The following DNAH17 variants were observed in gnomAD, a reference collection of about 807,000 sequenced individuals.
The protein encoded by DNAH17 is dynein axonemal heavy chain 17, also known as axonemal beta dynein heavy chain 17.
A neutral mutation model predicts 485.6 loss-of-function variants in DNAH17; 376 were observed. That is an observed-to-expected ratio of 0.77 (90% CI 0.71 to 0.84). The LOEUF is 0.84. Ranked by LOEUF, DNAH17 falls within the 40% of genes least tolerant of loss-of-function variation. DNAH17 has a pLI of 0.00. For synonymous variants in DNAH17, 3,031 were observed against 2,405.9 expected (o/e 1.26, Z -7.60); for missense variants, 6,370 against 5,839.3 (o/e 1.09, Z -2.96).
At chr17:78,433,907 A>C in intron 75 of DNAH17, 122 bp downstream of exon 75, 1 of 579,806 alleles carries the variant, frequency 1.7e-6, no homozygotes, top group Non-Finnish European at 2.4e-6. Context: ...ACAAAGACCA[A>C]AAGGAAAGGG....
intron 2 of DNAH17, 74 bp from the exon 3 acceptor site, chr17:78,572,968 C>CG: frequency 1.4e-6 from 2 of 1,398,672 alleles, no homozygotes; most frequent in South Asian, 1.3e-5. Flanking sequence ...GCCAGGTCCC[C>CG]GGGGGGTTCC....
chr17:78,491,371 G>A, intron 43 of DNAH17, 72 bp downstream of exon 43: 1 of 1,558,188 alleles, frequency 6.4e-7, no homozygotes. Flanking sequence ...GTGCTCCGTA[G>A]GCGCCTCCCT....
chr17:78,543,861 A>C lies in DNAH17; in HGVS notation c.2528T>G (p.Val843Gly). 1.9e-6 allele frequency: 3 copies of C among 1,614,056 alleles called. No individual in the cohort carries two copies. The South Asian group carries it at 3.3e-5, about 18-fold the overall frequency. The change falls in exon 17 of 81, where the codon GTT (valine) becomes GGT (glycine). Residue 843 changes from valine (V) to glycine (G), a missense_variant. Transcript: ENST00000389840. ...ACCTCCTGGGTGTTTCCTTACTGCA[A>C]CCATGGCTTGGATCTTCACTCCAGC... Reference protein sequence around the residue: ...RDAGVKIQAMVAENAELFRAD... With the variant: ...RDAGVKIQAMGAENAELFRAD...
chr17:78,475,902 A>C, intron 52 of DNAH17, 69 bp from the exon 53 acceptor site: 2 of 1,540,762 alleles, frequency 1.3e-6, no homozygotes, highest in South Asian at 2.5e-5. Flanking sequence ...AGTTAACAGC[A>C]ATTCAGTACT....
chr17:78,469,683 T>C (rs1009385381), intron 54 of DNAH17, among the ~76,000 whole-genome samples: 1 of 152,168 alleles, frequency 6.6e-6, no homozygotes, highest in Non-Finnish European at 1.5e-5. Context: ...TGTCCATCCA[T>C]GCATGAACAG....
intron 71 of DNAH17, among the ~76,000 whole-genome samples, chr17:78,442,813 G>T (rs1472602316): frequency 6.6e-6 from 1 of 152,208 alleles, no homozygotes; most frequent in Non-Finnish European, 1.5e-5. Flanking sequence ...CGTGGGGGTG[G>T]CCTGGCCTGC....
intron 48 of DNAH17, 117 bp downstream of exon 48, chr17:78,484,751 G>GCCCCCACCC: frequency 4.4e-5 from 6 of 135,800 alleles, no homozygotes; most frequent in Admixed American, 2.1e-4. Flanking sequence ...CCCCCCCACC[G>GCCCCCACCC]CCCCACACCA....
chr17:78,535,312 T>C (rs1167073600), intron 19 of DNAH17, among the ~76,000 whole-genome samples: 1 of 152,220 alleles, frequency 6.6e-6, no homozygotes, highest in Non-Finnish European at 1.5e-5. Context: ...AACAGCTTGC[T>C]GCTTGCACTT....
chr17:78,543,039 G>A (rs112846937), intron 17 of DNAH17, among the ~76,000 whole-genome samples: 2,954 of 152,340 alleles, frequency 0.019, 108 homozygotes, highest in African/African-American at 0.066. Flanking sequence ...CATCATAAGA[G>A]GAACCAGGCT....
At chr17:78,538,637 G>C (rs2091441597) in intron 18 of DNAH17, among the ~76,000 whole-genome samples, 1 of 152,192 alleles carries the variant, frequency 6.6e-6, no homozygotes, top group Non-Finnish European at 1.5e-5. Context: ...CACAAAGTAG[G>C]AGGACTCCCT....
chr17:78,507,428 A>G (rs1298337681), intron 28 of DNAH17, 30 bp downstream of exon 28: 1 of 1,613,652 alleles, frequency 6.2e-7, no homozygotes, highest in South Asian at 1.1e-5. Context: ...TCATTTCTGA[A>G]GTGCGTGGGA....
rs149521578 is a variant in DNAH17 at position 78,535,109 on chromosome 17, T to C, written c.2859+2190A>G. Among the ~76,000 whole-genome samples, 417 of 152,256 alleles carry C rather than the reference T, an allele frequency of 2.7e-3. 1 individual carries two copies. The highest frequency in any genetic ancestry group is 9.8e-3 in the African/African-American group (408 of 41,536). On this transcript the variant is annotated intron_variant, in intron 19 of 80. Coordinates refer to ENST00000389840, the MANE Select transcript of DNAH17 (RefSeq NM_173628.4). Reference sequence around the variant, plus strand: ...TGTTCTGCCTGAGCGTCCCAGGGTGTCTGCAAGGCAGCCTGAGTGTTTGTG... The same window carrying C: ...TGTTCTGCCTGAGCGTCCCAGGGTGCCTGCAAGGCAGCCTGAGTGTTTGTG...
intron 16 of DNAH17, among the ~76,000 whole-genome samples, 170 bp downstream of exon 16, chr17:78,551,365 T>A (rs1157605494): frequency 1.3e-5 from 2 of 152,244 alleles, no homozygotes; most frequent in African/African-American, 2.4e-5. Context: ...GGGCTCTTTC[T>A]GCCCTGGGAC....
intron 14 of DNAH17, among the ~76,000 whole-genome samples, chr17:78,553,308 TTTTTTTTTTTTAA>T (rs2091949804): frequency 2.5e-4 from 15 of 59,080 alleles, no homozygotes; most frequent in Middle Eastern, 8.3e-3. Flanking sequence ...TTTTTTTTTT[TTTTTTTTTTTTAA>T]GATGGAGTCT....
At chr17:78,502,284 T>C (rs1598600470) in intron 33 of DNAH17, 2 of 344,288 alleles carry the variant, frequency 5.8e-6, no homozygotes, top group Non-Finnish European at 1.1e-5. Context: ...AAGATGATCT[T>C]TTGTTTCCAT....
intron 31 of DNAH17, among the ~76,000 whole-genome samples, chr17:78,504,002 A>AG (rs1349781408): frequency 1.3e-5 from 2 of 151,060 alleles, no homozygotes; most frequent in Non-Finnish European, 3.0e-5. Context: ...AAATGAACAA[A>AG]AAAAAAACCA....
At chr17:78,524,977 G>A in intron 25 of DNAH17, 32 bp downstream of exon 25, 2 of 1,584,046 alleles carry the variant, frequency 1.3e-6, no homozygotes, top group Non-Finnish European at 1.7e-6. Flanking sequence ...CAGAATCCCG[G>A]GCCCCACCCA....
chr17:78,505,479 G>A lies in DNAH17; in HGVS notation c.4804-34C>T, dbSNP rs76721067. 282 of 1,613,360 alleles carry A rather than the reference G, an allele frequency of 1.7e-4. 1 individual carries two copies. The East Asian group carries it at 5.4e-3, about 31-fold the overall frequency. Reference sequence around the variant, plus strand: ...AGGCAAGAAGCGGGAATTATGCAACGGGGGATTTGAAAGGCATGTGCGTGG... The same window carrying A: ...AGGCAAGAAGCGGGAATTATGCAACAGGGGATTTGAAAGGCATGTGCGTGG... On this transcript the variant is annotated intron_variant, in intron 30 of 80. Coordinates refer to ENST00000389840, the MANE Select transcript of DNAH17 (RefSeq NM_173628.4).
At chr17:78,554,622 A>C (rs983689174) in intron 14 of DNAH17, among the ~76,000 whole-genome samples, 3 of 152,206 alleles carry the variant, frequency 2.0e-5, no homozygotes, top group East Asian at 1.9e-4. Flanking sequence ...TAGGAATCTC[A>C]TCGTACCAAG....
Sources: allele counts gnomAD v4.1 joint callset (sites outside exome capture counted in the v4.1 genomes callset), GRCh38; gene constraint gnomAD v4.1.1; transcripts MANE v1.5; gene names NCBI Gene and HGNC (gene_info 2026-07-23, HGNC 2026-07-21).